The following TAS2R1 variants were observed in gnomAD, a reference collection of about 807,000 sequenced individuals.
TAS2R1 encodes taste 2 receptor member 1.
For synonymous variants in TAS2R1, 141 were observed against 134.2 expected, an observed-to-expected ratio of 1.05 and a Z score of -0.35; for missense variants, 370 against 353.4, an observed-to-expected ratio of 1.05 and a Z score of -0.38.
At chr5:9,797,875 A>C in the TAS2R1 span, among the ~76,000 whole-genome samples, 1 of 152,230 alleles carries the variant, frequency 6.6e-6, no homozygotes, top group Non-Finnish European at 1.5e-5. Flanking sequence ...TTAAACTAAA[A>C]ACAGCACCCT....
chr5:9,719,540 T>C, the TAS2R1 span, among the ~76,000 whole-genome samples: 6,472 of 152,290 alleles, frequency 0.042, 437 homozygotes, highest in African/African-American at 0.14. Context: ...CAGTGCTTCC[T>C]TAAATGGGAC....
At chr5:9,768,075 G>C in the TAS2R1 span, among the ~76,000 whole-genome samples, 1 of 152,078 alleles carries the variant, frequency 6.6e-6, no homozygotes, top group Non-Finnish European at 1.5e-5. Context: ...TGCATCTGCT[G>C]TCAGGAGCCT....
intron 1 of TAS2R1, among the ~76,000 whole-genome samples, chr5:9,684,575 A>G (rs1479082784): frequency 6.6e-6 from 1 of 152,168 alleles, no homozygotes; most frequent in East Asian, 1.9e-4. Context: ...TGCAACAGCT[A>G]TTCACAAGTG....
the TAS2R1 span, among the ~76,000 whole-genome samples, chr5:9,823,502 G>A: frequency 7.3e-6 from 1 of 136,946 alleles, no homozygotes. Context: ...AGGGGAAGAG[G>A]AAGGGGAAGG....
chr5:9,827,233 C>T, the TAS2R1 span, among the ~76,000 whole-genome samples: 2 of 152,282 alleles, frequency 1.3e-5, no homozygotes, highest in South Asian at 4.1e-4. Context: ...CTTCCCTTCA[C>T]CTGTCACCTC....
the TAS2R1 span, among the ~76,000 whole-genome samples, chr5:9,734,193 T>C: frequency 6.6e-6 from 1 of 152,210 alleles, no homozygotes; most frequent in African/African-American, 2.4e-5. Context: ...GCAGAGGCCC[T>C]TCACTAGACA....
chr5:9,848,921 G>A, the TAS2R1 span, among the ~76,000 whole-genome samples: 1 of 152,108 alleles, frequency 6.6e-6, no homozygotes, highest in African/African-American at 2.4e-5. Flanking sequence ...TCAGGAAACC[G>A]TCCATGACAG....
the TAS2R1 span, among the ~76,000 whole-genome samples, chr5:9,784,917 T>C: frequency 1.3e-5 from 2 of 152,228 alleles, no homozygotes; most frequent in African/African-American, 4.8e-5. Flanking sequence ...GAAGACTGTT[T>C]ATAAATAACA....
At chr5:9,901,204 A>G in the TAS2R1 span, among the ~76,000 whole-genome samples, 1 of 152,070 alleles carries the variant, frequency 6.6e-6, no homozygotes, top group East Asian at 1.9e-4. Flanking sequence ...GAAAGGTGGC[A>G]AACAGCTCAA....
the TAS2R1 span, among the ~76,000 whole-genome samples, chr5:9,831,560 G>A: frequency 0.015 from 2,296 of 151,228 alleles, 39 homozygotes; most frequent in African/African-American, 0.049. Context: ...ATGCAATTAC[G>A]TTTTTGTTTC....
At chr5:9,716,763 A>T (rs1561387555), upstream of TAS2R1, among the ~76,000 whole-genome samples, 1 of 152,136 alleles carries the variant, frequency 6.6e-6, no homozygotes, top group Non-Finnish European at 1.5e-5. Flanking sequence ...AGGGGAAAAA[A>T]TGACAACTTT....
chr5:9,796,728 AAAAAAAAAAAAGAAAAG>A, the TAS2R1 span, among the ~76,000 whole-genome samples: 2 of 96,124 alleles, frequency 2.1e-5, 1 homozygote, highest in Non-Finnish European at 5.2e-5. Flanking sequence ...CTGGAAAAAA[AAAAAAAAAAAAGAAAAG>A]AAAAAAAAAA....
At chr5:9,700,223 T>C (rs1741450325) in intron 1 of TAS2R1, among the ~76,000 whole-genome samples, 1 of 152,160 alleles carries the variant, frequency 6.6e-6, no homozygotes, top group Non-Finnish European at 1.5e-5. Flanking sequence ...TGATTCAGTA[T>C]CCAGCTTAGG....
At chr5:9,871,703 G>A in the TAS2R1 span, among the ~76,000 whole-genome samples, 1 of 152,190 alleles carries the variant, frequency 6.6e-6, no homozygotes, top group Admixed American at 6.5e-5. Flanking sequence ...ATGGTGCCCA[G>A]ACAAGGGGAG....
the TAS2R1 span, among the ~76,000 whole-genome samples, chr5:9,797,261 C>G: frequency 2.0e-4 from 31 of 152,210 alleles, no homozygotes; most frequent in African/African-American, 7.5e-4. Flanking sequence ...GCATGTAGTG[C>G]GTAGAGGCCA....
chr5:9,888,131 C>G, the TAS2R1 span, among the ~76,000 whole-genome samples: 1 of 152,014 alleles, frequency 6.6e-6, no homozygotes, highest in Non-Finnish European at 1.5e-5. Flanking sequence ...GAGTGTAGGC[C>G]CCCATCTGCA....
the TAS2R1 span, among the ~76,000 whole-genome samples, chr5:9,879,150 AT>A: frequency 3.9e-5 from 6 of 152,386 alleles, no homozygotes; most frequent in African/African-American, 1.2e-4. Context: ...CAAGGCAAAT[AT>A]TTTAATGCAA....
chr5:9,791,203 TAC>T, the TAS2R1 span, among the ~76,000 whole-genome samples: 2 of 151,326 alleles, frequency 1.3e-5, no homozygotes, highest in Non-Finnish European at 1.5e-5. Flanking sequence ...CACACACACA[TAC>T]ACACACACAC....
chr5:9,736,333 A>T, the TAS2R1 span, among the ~76,000 whole-genome samples: 1 of 152,308 alleles, frequency 6.6e-6, no homozygotes, highest in African/African-American at 2.4e-5. Flanking sequence ...TCCCAGCCTT[A>T]TTCCCTCTGC....
Sources: gnomAD v4.1 joint callset for allele counts (sites outside exome capture counted in the v4.1 genomes callset) on GRCh38, gnomAD v4.1.1 for gene constraint, MANE v1.5 for transcripts, NCBI Gene and HGNC (gene_info 2026-07-23, HGNC 2026-07-21) for gene names.